C3orf70: variants seen among roughly 807,000 people sequenced by gnomAD.
C3orf70 encodes the protein chromosome 3 open reading frame 70, also known as UPF0524 protein C3orf70.
In C3orf70, 15 loss-of-function variants were observed where a neutral mutation model predicts 20.7. The ratio of observed to expected loss-of-function variants is 0.72; its 90% CI spans 0.48 to 1.11. The LOEUF is 1.11. Ranked by LOEUF, C3orf70 falls within the 50% of genes most tolerant of loss-of-function variation. The pLI, the probability that C3orf70 is intolerant of heterozygous loss-of-function variation, is 0.00. For synonymous variants in C3orf70, 161 were observed against 125.7 expected (o/e 1.28, Z -1.88); for missense variants, 332 against 317.6 (o/e 1.05, Z -0.34).
chr3:185,096,006 A>G (rs577572884), intron 1 of C3orf70, among the ~76,000 whole-genome samples: 8 of 152,262 alleles, frequency 5.3e-5, no homozygotes, highest in African/African-American at 1.9e-4. Flanking sequence ...AAGTGCTGGG[A>G]TTACAGGCGT....
intron 1 of C3orf70, among the ~76,000 whole-genome samples, chr3:185,148,893 G>A (rs866446742): frequency 6.6e-6 from 1 of 152,126 alleles, no homozygotes; most frequent in Non-Finnish European, 1.5e-5. Flanking sequence ...TTATGGACAT[G>A]TACATATTTT....
intron 1 of C3orf70, among the ~76,000 whole-genome samples, chr3:185,135,912 T>C (rs1577333099): frequency 6.7e-6 from 1 of 149,686 alleles, no homozygotes; most frequent in African/African-American, 2.5e-5. Flanking sequence ...AAAAGAAAAA[T>C]AAAAAACAAG....
chr3:185,113,498 G>A (rs1716117794), intron 1 of C3orf70, among the ~76,000 whole-genome samples: 2 of 152,158 alleles, frequency 1.3e-5, no homozygotes, highest in Non-Finnish European at 2.9e-5. Flanking sequence ...GGAAGAAAAA[G>A]TCAGGAAAAC....
intron 1 of C3orf70, among the ~76,000 whole-genome samples, chr3:185,088,754 C>T (rs955145193): frequency 1.8e-4 from 27 of 152,238 alleles, no homozygotes; most frequent in African/African-American, 6.3e-4. Flanking sequence ...TGTTTGTCAC[C>T]ATACTTTCAC....
chr3:185,145,688 T>C (rs957384213), intron 1 of C3orf70, among the ~76,000 whole-genome samples: 63 of 152,206 alleles, frequency 4.1e-4, no homozygotes, highest in African/African-American at 1.5e-3. Flanking sequence ...TTGATATACA[T>C]TTGCCACAGG....
chr3:185,129,018 T>C (rs1716474036), intron 1 of C3orf70, among the ~76,000 whole-genome samples: 1 of 152,228 alleles, frequency 6.6e-6, no homozygotes, highest in South Asian at 2.1e-4. Flanking sequence ...TATTTCTCTT[T>C]AAAAGCTCCT....
At chr3:185,147,736 T>C (rs1031733255) in intron 1 of C3orf70, among the ~76,000 whole-genome samples, 1 of 152,258 alleles carries the variant, frequency 6.6e-6, no homozygotes, top group Non-Finnish European at 1.5e-5. Context: ...CAATTGTCTG[T>C]GTCCTAATTC....
At chr3:185,146,599 C>T (rs1716881639) in intron 1 of C3orf70, among the ~76,000 whole-genome samples, 1 of 152,088 alleles carries the variant, frequency 6.6e-6, no homozygotes, top group Non-Finnish European at 1.5e-5. Context: ...AACCCTCATT[C>T]TTAGAAAAAA....
intron 1 of C3orf70, among the ~76,000 whole-genome samples, chr3:185,129,953 A>G (rs1381279606): frequency 6.6e-6 from 1 of 152,210 alleles, no homozygotes; most frequent in East Asian, 1.9e-4. Flanking sequence ...TGGCTTAGAG[A>G]TATTCTCAAA....
At chr3:185,127,089 T>C (rs1008532779) in intron 1 of C3orf70, among the ~76,000 whole-genome samples, 1 of 152,214 alleles carries the variant, frequency 6.6e-6, no homozygotes, top group Non-Finnish European at 1.5e-5. Context: ...AATCTGAAAA[T>C]GTCGTTCCAC....
rs1715239648 is a variant in C3orf70, at chr3:185,078,204, T to C, written c.*4803A>G. The C allele has an allele frequency of 2.0e-5, 3 of 152,608 alleles. No individual in the cohort carries two copies. Among genetic ancestry groups the C allele is most frequent in the South Asian group, 2.1e-4 (1 of 4,836 alleles). The allele number at this position is 152,608 out of a possible 1,614,324, so 9.5% of individuals were successfully genotyped here. Reference sequence around the variant, plus strand: ...CAACATTGTGCTTAAAACTTTAAAATAGTTTTTAAAAATAGCAGAGTAAGT... The same window carrying C: ...CAACATTGTGCTTAAAACTTTAAAACAGTTTTTAAAAATAGCAGAGTAAGT... On this transcript the variant is annotated 3_prime_UTR_variant, in exon 2 of 2. Transcript: ENST00000335012.
chr3:185,120,829 T>C (rs1426796543), intron 1 of C3orf70, among the ~76,000 whole-genome samples: 1 of 150,462 alleles, frequency 6.6e-6, no homozygotes, highest in East Asian at 1.9e-4. Context: ...TGGAGATTCC[T>C]TAAAGAACTA....
chr3:185,139,340 G>A lies in C3orf70; in HGVS notation c.196+13288C>T, dbSNP rs147754332. ...GGCCAAGGTGGGCAGATCACCAGAG[G>A]TCAGGAGTTCGAGACCAGCCTGGCC... On this transcript the variant is annotated intron_variant, in intron 1 of 1. Coordinates refer to ENST00000335012, the MANE Select transcript of C3orf70 (RefSeq NM_001025266.3). Among the ~76,000 whole-genome samples, 511 of 151,762 alleles carry A rather than the reference G, an allele frequency of 3.4e-3. 4 individuals carry two copies. The highest frequency in any genetic ancestry group is 0.012 in the African/African-American group (496 of 41,374).
chr3:185,150,673 A>G (rs1451041769), intron 1 of C3orf70, among the ~76,000 whole-genome samples: 1 of 152,204 alleles, frequency 6.6e-6, no homozygotes, highest in Non-Finnish European at 1.5e-5. Flanking sequence ...TATCTCGAAC[A>G]TGGGAGGTAG....
At chr3:185,126,187 T>C (rs1254608973) in intron 1 of C3orf70, among the ~76,000 whole-genome samples, 1 of 152,218 alleles carries the variant, frequency 6.6e-6, no homozygotes, top group African/African-American at 2.4e-5. Context: ...CAGTTTTTTA[T>C]ATATAATTTC....
At chr3:185,085,800 C>T (rs559057282) in intron 1 of C3orf70, among the ~76,000 whole-genome samples, 35 of 149,508 alleles carry the variant, frequency 2.3e-4, no homozygotes, top group African/African-American at 8.6e-4. Flanking sequence ...AGCCTCCCTC[C>T]AGACCCTCCA....
At chr3:185,126,101 C>A (rs1010978195) in intron 1 of C3orf70, among the ~76,000 whole-genome samples, 1 of 152,094 alleles carries the variant, frequency 6.6e-6, no homozygotes, top group Non-Finnish European at 1.5e-5. Flanking sequence ...ATGGCAAGTA[C>A]AACAGGATGT....
intron 1 of C3orf70, among the ~76,000 whole-genome samples, chr3:185,095,354 T>C (rs1328780774): frequency 1.3e-5 from 2 of 152,342 alleles, no homozygotes; most frequent in South Asian, 2.1e-4. Flanking sequence ...GATTCTCGTG[T>C]AGTTTCCTGC....
At chr3:185,113,971 G>A (rs889938980) in intron 1 of C3orf70, among the ~76,000 whole-genome samples, 14 of 152,298 alleles carry the variant, frequency 9.2e-5, no homozygotes, top group African/African-American at 3.1e-4. Flanking sequence ...AGGCCGAGGT[G>A]GGTGGATCAC....
Sources: gnomAD v4.1 joint callset for allele counts (sites outside exome capture counted in the v4.1 genomes callset) on GRCh38, gnomAD v4.1.1 for gene constraint, MANE v1.5 for transcripts, NCBI Gene and HGNC (gene_info 2026-07-23, HGNC 2026-07-21) for gene names.